DLG2: variants seen among roughly 807,000 people sequenced by gnomAD.
The protein encoded by DLG2 is disks large homolog 2.
Under a neutral mutation model 132.5 loss-of-function variants are expected in DLG2, and 45 were observed. The ratio of observed to expected loss-of-function variants is 0.34; its 90% confidence interval spans 0.27 to 0.44. DLG2 has a LOEUF of 0.44. Ranked by LOEUF, DLG2 falls within the 20% of genes least tolerant of loss-of-function variation. The probability of loss-of-function intolerance (pLI) is 1.00; values close to 1 mark genes in which losing one functional copy is unlikely to be tolerated. For missense variants in DLG2, 1,045 were observed against 1,196.9 expected (o/e 0.87, Z 1.87); for synonymous variants, 424 against 419.6 (o/e 1.01, Z -0.13).
At chr11:84,074,551 T>C (rs942159549) in intron 10 of DLG2, among the ~76,000 whole-genome samples, 4 of 147,744 alleles carry the variant, frequency 2.7e-5, no homozygotes, top group Non-Finnish European at 6.0e-5. Context: ...TTTTTTGAGG[T>C]GGAGTCTTGC....
chr11:85,536,785 C>T (rs191191250), intron 3 of DLG2, among the ~76,000 whole-genome samples: 14 of 152,344 alleles, frequency 9.2e-5, no homozygotes, highest in African/African-American at 2.9e-4. Flanking sequence ...TCCCTTTTCA[C>T]GGGATGATTG....
intron 6 of DLG2, among the ~76,000 whole-genome samples, chr11:84,784,350 A>AATT (rs1565953208): frequency 1.6e-3 from 230 of 145,418 alleles, no homozygotes; most frequent in Non-Finnish European, 2.8e-3. Context: ...ATAAATAAAT[A>AATT]AATAAATAAA....
At chr11:85,332,464 C>T (rs1179184892) in intron 3 of DLG2, among the ~76,000 whole-genome samples, 2 of 152,106 alleles carry the variant, frequency 1.3e-5, no homozygotes, top group African/African-American at 4.8e-5. Context: ...TTTAATTTAA[C>T]TAAGTCCCTC....
intron 4 of DLG2, among the ~76,000 whole-genome samples, chr11:85,272,694 A>C (rs976143620): frequency 6.6e-6 from 1 of 152,202 alleles, no homozygotes; most frequent in South Asian, 2.1e-4. Flanking sequence ...GGTTATTTAT[A>C]GATTCAATGC....
chr11:83,748,939 T>A (rs2093115171), intron 18 of DLG2, among the ~76,000 whole-genome samples: 1 of 152,228 alleles, frequency 6.6e-6, no homozygotes, highest in African/African-American at 2.4e-5. Flanking sequence ...TTTTAAAAGA[T>A]CAATTTATCT....
At chr11:84,877,068 A>T (rs754206743) in intron 6 of DLG2, among the ~76,000 whole-genome samples, 5 of 151,952 alleles carry the variant, frequency 3.3e-5, no homozygotes, top group Non-Finnish European at 7.4e-5. Flanking sequence ...TATGATTTCC[A>T]TTCTTTTGCA....
intron 7 of DLG2, among the ~76,000 whole-genome samples, chr11:84,266,188 C>A (rs2097629582): frequency 6.6e-6 from 1 of 152,128 alleles, no homozygotes; most frequent in African/African-American, 2.4e-5. Context: ...TTCGTGGCCT[C>A]CAGATGTGTA....
chr11:84,491,155 T>C (rs2099164042), intron 7 of DLG2, among the ~76,000 whole-genome samples: 1 of 151,956 alleles, frequency 6.6e-6, no homozygotes, highest in Non-Finnish European at 1.5e-5. Context: ...AAGCCAGGTA[T>C]GGTGATATGG....
At chr11:85,385,209 C>G (rs1200752889) in intron 3 of DLG2, among the ~76,000 whole-genome samples, 2 of 152,096 alleles carry the variant, frequency 1.3e-5, no homozygotes, top group Admixed American at 6.6e-5. Context: ...GTCAGTGGCT[C>G]TCAAATAATA....
chr11:83,497,225 AG>A (rs1266244893), intron 21 of DLG2, among the ~76,000 whole-genome samples: 1 of 152,202 alleles, frequency 6.6e-6, no homozygotes, highest in Non-Finnish European at 1.5e-5. Context: ...ATCTGGTGAA[AG>A]GGGGGAGAAG....
intron 6 of DLG2, among the ~76,000 whole-genome samples, chr11:84,984,601 A>G (rs1592218326): frequency 1.8e-5 from 1 of 56,096 alleles, no homozygotes; most frequent in Non-Finnish European, 3.6e-5. Context: ...TCCAAGGTAT[A>G]CAGGCAACAA....
chr11:83,786,114 T>G (rs1566956829), intron 18 of DLG2, among the ~76,000 whole-genome samples: 1 of 152,218 alleles, frequency 6.6e-6, no homozygotes, highest in South Asian at 2.1e-4. Flanking sequence ...AAGCAGGGCA[T>G]GGCTAATCCA....
At chr11:84,543,756 G>A (rs1408709366) in intron 6 of DLG2, among the ~76,000 whole-genome samples, 1 of 152,170 alleles carries the variant, frequency 6.6e-6, no homozygotes, top group Non-Finnish European at 1.5e-5. Flanking sequence ...GGAGAAGAAT[G>A]TAAGTAACAG....
At chr11:83,760,838 C>T (rs1232000227) in intron 18 of DLG2, among the ~76,000 whole-genome samples, 1 of 152,172 alleles carries the variant, frequency 6.6e-6, no homozygotes, top group Non-Finnish European at 1.5e-5. Context: ...ACTAACTCCT[C>T]CTTGTTTCTC....
At chr11:85,528,098 G>A (rs1181805738) in intron 3 of DLG2, among the ~76,000 whole-genome samples, 1 of 152,110 alleles carries the variant, frequency 6.6e-6, no homozygotes, top group Non-Finnish European at 1.5e-5. Flanking sequence ...TTTGTCGGAT[G>A]GATAGATTTC....
intron 7 of DLG2, among the ~76,000 whole-genome samples, chr11:84,514,355 G>A (rs1159974962): frequency 1.3e-5 from 2 of 152,006 alleles, no homozygotes; most frequent in African/African-American, 4.8e-5. Context: ...ATACCTAAAA[G>A]AAAGGAAATC....
At chr11:83,784,595 C>G (rs1298259140) in intron 18 of DLG2, among the ~76,000 whole-genome samples, 1 of 152,162 alleles carries the variant, frequency 6.6e-6, no homozygotes, top group East Asian at 1.9e-4. Context: ...ATAGGACATG[C>G]TTTGAACAAG....
intron 4 of DLG2, among the ~76,000 whole-genome samples, chr11:85,223,508 T>G (rs1346878735): frequency 6.6e-6 from 1 of 151,960 alleles, no homozygotes; most frequent in East Asian, 1.9e-4. Flanking sequence ...GGCGTGCTGG[T>G]GCGTGCTTGT....
intron 7 of DLG2, among the ~76,000 whole-genome samples, chr11:84,502,389 T>C (rs1014915219): frequency 2.9e-5 from 3 of 102,386 alleles, no homozygotes; most frequent in Admixed American, 1.1e-4. Context: ...TTTCTTTCTT[T>C]CTTTCTTTCT....
Sources: gnomAD v4.1 joint callset for allele counts (sites outside exome capture counted in the v4.1 genomes callset) on GRCh38, gnomAD v4.1.1 for gene constraint, MANE v1.5 for transcripts, NCBI Gene and HGNC (gene_info 2026-07-23, HGNC 2026-07-21) for gene names.